LSR: variants seen among roughly 807,000 people sequenced by gnomAD.
The protein encoded by LSR is lipolysis-stimulated lipoprotein receptor.
LSR carries 44 observed loss-of-function variants against 61.8 expected under a neutral mutation model. The ratio of observed to expected loss-of-function variants is 0.71; its 90% CI spans 0.56 to 0.91. The LOEUF is 0.91. LSR is among the 40% of genes least tolerant of loss of function. The pLI is 0.00. For synonymous variants in LSR, 397 were observed against 350.6 expected (o/e 1.13, Z -1.48); for missense variants, 911 against 830.5 (o/e 1.10, Z -1.19).
chr19:35,262,909 G>GT, intron 5 of LSR: 1 of 585,648 alleles, frequency 1.7e-6, no homozygotes, highest in Non-Finnish European at 3.0e-6. Context: ...CTTTTCTTTT[G>GT]TAAGTATAAT....
intron 2 of LSR, among the ~76,000 whole-genome samples, chr19:35,256,903 C>A (rs1424695912): frequency 6.6e-6 from 1 of 151,854 alleles, no homozygotes; most frequent in Non-Finnish European, 1.5e-5. Context: ...GTGGTGCAAT[C>A]TCAGCTCACT....
chr19:35,261,301 T>A (rs1398317256), intron 3 of LSR, among the ~76,000 whole-genome samples: 6 of 152,066 alleles, frequency 3.9e-5, no homozygotes, highest in African/African-American at 9.7e-5. Flanking sequence ...CTTCCTGTTT[T>A]AAAAAAAATG....
At chr19:35,264,418 G>C (rs1211265043) in intron 5 of LSR, 1 of 152,188 alleles carries the variant, frequency 6.6e-6, no homozygotes, top group Non-Finnish European at 1.5e-5. Flanking sequence ...CACTTTCACA[G>C]AGGAGCTGAT....
intron 8 of LSR, 53 bp from the exon 9 acceptor site, chr19:35,267,056 A>C: frequency 1.3e-6 from 2 of 1,540,490 alleles, no homozygotes; most frequent in Admixed American, 4.1e-5. Context: ...TCTTGGTGCA[A>C]ACCCTGGACC....
chr19:35,263,868 G>A (rs916299111), intron 5 of LSR, among the ~76,000 whole-genome samples: 2 of 151,374 alleles, frequency 1.3e-5, no homozygotes, highest in Non-Finnish European at 1.5e-5. Flanking sequence ...GTAAAGTGGC[G>A]TGATCTCTGC....
At chr19:35,265,050 G>A (rs1363996310) in intron 5 of LSR, among the ~76,000 whole-genome samples, 1 of 152,118 alleles carries the variant, frequency 6.6e-6, no homozygotes, top group African/African-American at 2.4e-5. Flanking sequence ...TAATTTTATA[G>A]TCATTGAAGT....
chr19:35,250,322 C>G lies in LSR; in HGVS notation c.117C>G (p.Ala39=). The G allele has an allele frequency of 6.5e-7, 1 of 1,544,750 alleles. No homozygotes were observed. Among genetic ancestry groups the G allele is most frequent in the Admixed American group, 1.8e-5 (1 of 54,596 alleles). Residue 39 remains alanine, a synonymous_variant, in exon 2 of 10, where the codon GCC becomes GCG. Transcript: ENST00000605618. ...LLLSTWCTAP[A]RAIQVTVSNP... ...CTCTCCTCTTGCCCTCAGCTCCTGC[C>G]AGGGCCATCCAGGTGACCGTGTCCA...
Position 35,262,803 on chromosome 19 carries a change from ATT to A in LSR, c.778+113_778+114del. On this transcript the variant is annotated intron_variant, in intron 5 of 9. Coordinates refer to ENST00000605618, the MANE Select transcript of LSR (RefSeq NM_205834.4). Reference sequence around the variant, plus strand: ...AGTGGCGTTGGTCTGGAGGGTGTGAATTTAGCCAGTGGGGAGAAAGTAGGCTG... The same window carrying A: ...AGTGGCGTTGGTCTGGAGGGTGTGAATAGCCAGTGGGGAGAAAGTAGGCTG... The A allele has an allele frequency of 2.2e-6, 3 of 1,375,988 alleles. No homozygotes were observed. In the Admixed American group the frequency reaches 7.1e-5, roughly 33 times the overall value. The allele number at this position is 1,375,988 out of a possible 1,614,324, so 85.2% of individuals were successfully genotyped here.
At position 35,267,429 on chromosome 19, in the gene LSR, C is replaced by T. The variant is rs1450547142; in HGVS notation, c.1465C>T (p.Gln489Ter). The T allele has an allele frequency of 1.2e-6, 2 of 1,610,756 alleles. No individual in the cohort carries two copies. The highest frequency in any genetic ancestry group is 1.7e-5 in the Admixed American group (1 of 59,836). Residue 489 changes from glutamine to a stop codon, truncating the protein, a stop_gained, in exon 9 of 10, where the codon CAA becomes TAA. Coordinates refer to ENST00000605618, the MANE Select transcript of LSR (RefSeq NM_205834.4). LOFTEE classifies it high-confidence loss of function. ...RSRSRDDLYD[Q>*]DDSRDFPRSR... ...CCGCAGCCGGGACGACCTCTATGAC[C>T]AAGACGACTCGAGGGACTTCCCACG...
chr19:35,252,272 G>A (rs2065803785), intron 2 of LSR, among the ~76,000 whole-genome samples: 1 of 152,156 alleles, frequency 6.6e-6, no homozygotes, highest in Admixed American at 6.6e-5. Flanking sequence ...AGGTGATTGG[G>A]ATGGCTGAAG....
intron 3 of LSR, 107 bp downstream of exon 3, chr19:35,259,171 T>C (rs113950992): frequency 2.1e-6 from 3 of 1,402,950 alleles, no homozygotes; most frequent in African/African-American, 1.4e-5. Context: ...CCCTCTGGGC[T>C]CTGTCGCCTG....
chr19:35,260,945 GCA>G (rs1002550094), intron 3 of LSR, among the ~76,000 whole-genome samples: 13 of 152,198 alleles, frequency 8.5e-5, no homozygotes, highest in African/African-American at 2.9e-4. Flanking sequence ...AGTGAAAAAG[GCA>G]AATAACATCT....
chr19:35,261,301 T>TA lies in LSR; in HGVS notation c.575-616dup, dbSNP rs200905519. ...TGCCTTCATGGGTCCCTTCCTGTTT[T>TA]AAAAAAAATGTGTGATTATGTTGTC... is the stretch of plus-strand genomic sequence containing the variant. On this transcript the variant is annotated intron_variant, in intron 3 of 9. Coordinates refer to ENST00000605618, the MANE Select transcript of LSR (RefSeq NM_205834.4). Among the ~76,000 whole-genome samples the TA allele has an allele frequency of 8.6e-3, 1,306 of 152,184 alleles. 18 individuals carry two copies. Among genetic ancestry groups the TA allele is most frequent in the African/African-American group, 0.03 (1,240 of 41,516 alleles).
chr19:35,266,581 T>G lies in LSR; in HGVS notation c.952+49T>G, dbSNP rs748012806. ...AGCTGGTGGGAGTGTGCTGGGCATC[T>G]GGACACTGAGGGGCAGGGGCTGGAA... On this transcript the variant is annotated intron_variant, in intron 6 of 9. Coordinates refer to ENST00000605618, the MANE Select transcript of LSR (RefSeq NM_205834.4). 1.9e-6 allele frequency: 3 copies of G among 1,602,058 alleles called. No individual in the cohort carries two copies. In the African/African-American group the frequency reaches 4.0e-5, roughly 21 times the overall value.
intron 2 of LSR, 67 bp from the exon 3 acceptor site, chr19:35,258,878 T>C (rs1248787794): frequency 1.9e-6 from 3 of 1,606,530 alleles, no homozygotes; most frequent in Admixed American, 3.3e-5. Context: ...GGAAGGGGTC[T>C]TTGGCCCTCC....
At chr19:35,252,976 G>A (rs990808544) in intron 2 of LSR, among the ~76,000 whole-genome samples, 3 of 152,018 alleles carry the variant, frequency 2.0e-5, no homozygotes, top group Admixed American at 1.3e-4. Flanking sequence ...AGTCATGATC[G>A]TGCCACTGCA....
chr19:35,252,854 A>G lies in LSR; in HGVS notation c.454+2195A>G, dbSNP rs2065811453. Among the ~76,000 whole-genome samples the G allele has an allele frequency of 4.0e-5, 6 of 151,286 alleles. No homozygotes were observed. The South Asian group carries it at 1.3e-3, about 32-fold the overall frequency. ...AAAATGAGACCCCATGTCTACAAAAATTTTAAAAATTTAAAAATTAGCTGG... is the reference window on the plus strand; with the variant it reads ...AAAATGAGACCCCATGTCTACAAAAGTTTTAAAAATTTAAAAATTAGCTGG... On this transcript the variant is annotated intron_variant, in intron 2 of 9. Coordinates refer to ENST00000605618, the MANE Select transcript of LSR (RefSeq NM_205834.4).
At chr19:35,266,590 A>G in intron 6 of LSR, 58 bp downstream of exon 6, 1 of 1,601,326 alleles carries the variant, frequency 6.2e-7, no homozygotes, top group Non-Finnish European at 8.5e-7. Flanking sequence ...CTGGACACTG[A>G]GGGGCAGGGG....
At chr19:35,266,240 A>G (rs766592698) in intron 5 of LSR, 119 bp from the exon 6 acceptor site, 1 of 744,608 alleles carries the variant, frequency 1.3e-6, no homozygotes, top group Non-Finnish European at 2.2e-6. Flanking sequence ...AGGAAGCTCT[A>G]CAGCGGAGAG....
Sources: gnomAD v4.1 joint callset for allele counts (sites outside exome capture counted in the v4.1 genomes callset) on GRCh38, gnomAD v4.1.1 for gene constraint, MANE v1.5 for transcripts, NCBI Gene and HGNC (gene_info 2026-07-23, HGNC 2026-07-21) for gene names.